HDAC4: variants seen among roughly 807,000 people sequenced by gnomAD.
HDAC4 encodes histone deacetylase A.
Under a neutral mutation model 135.1 loss-of-function variants are expected in HDAC4, and 16 were observed. That is an observed-to-expected ratio of 0.12 (90% CI 0.08 to 0.18). The LOEUF (loss-of-function observed/expected upper bound fraction) is 0.18, where lower values mean the gene tolerates loss of function less well. Among genes scored for constraint, HDAC4 ranks in the 10% least tolerant of loss-of-function variants. The pLI, the probability that HDAC4 is intolerant of heterozygous loss-of-function variation, is 1.00. For synonymous variants in HDAC4, 685 were observed against 653.4 expected (o/e 1.05, Z -0.74); for missense variants, 1,143 against 1,511.8 (o/e 0.76, Z 4.05).
chr2:239,114,640 GT>G (rs969369026), intron 13 of HDAC4, among the ~76,000 whole-genome samples: 1 of 152,190 alleles, frequency 6.6e-6, no homozygotes, highest in African/African-American at 2.4e-5. Flanking sequence ...GCACCTCTGG[GT>G]CACAAAAGGT....
rs2030428113 is a variant in HDAC4, at chr2:239,049,096, C to G, written c.*4001G>C. The G allele has an allele frequency of 6.6e-6, 1 of 152,282 alleles. No homozygotes were observed. Among genetic ancestry groups the G allele is most frequent in the African/African-American group, 2.4e-5 (1 of 41,468 alleles). 9.4% of individuals were successfully genotyped at this position (152,282 alleles called of 1,614,324 possible). A position where few individuals can be genotyped will look rare whatever the true frequency, so the allele number is the denominator to read the frequency against. ...TGAATTCTGAGTAGTTTCCCTAAAA[C>G]ACTGTTTCCACATAAATACAATAAA... On this transcript the variant is annotated 3_prime_UTR_variant, in exon 27 of 27. Transcript: ENST00000543185.
chr2:239,185,202 G>C (rs552051498), intron 4 of HDAC4, among the ~76,000 whole-genome samples: 1 of 151,898 alleles, frequency 6.6e-6, no homozygotes, highest in South Asian at 2.1e-4. Context: ...CACCCCATGG[G>C]GTGCCTGTAT....
intron 1 of HDAC4, among the ~76,000 whole-genome samples, chr2:239,360,500 T>C (rs1266646827): frequency 6.6e-6 from 1 of 152,206 alleles, no homozygotes; most frequent in Non-Finnish European, 1.5e-5. Context: ...GGGTCTGTTG[T>C]GACTCATGTG....
At chr2:239,198,054 C>T (rs1175102286) in intron 3 of HDAC4, among the ~76,000 whole-genome samples, 1 of 152,086 alleles carries the variant, frequency 6.6e-6, no homozygotes, top group Non-Finnish European at 1.5e-5. Context: ...CCATGTTGGC[C>T]AGGCTGGTCT....
chr2:239,290,812 G>A (rs976489187), intron 2 of HDAC4, among the ~76,000 whole-genome samples: 4 of 152,200 alleles, frequency 2.6e-5, no homozygotes, highest in Admixed American at 2.0e-4. Context: ...GGGGAGGGCC[G>A]GGGTTCTATA....
chr2:239,235,251 GC>G (rs2047819244), intron 3 of HDAC4, among the ~76,000 whole-genome samples: 1 of 151,832 alleles, frequency 6.6e-6, no homozygotes, highest in African/African-American at 2.4e-5. Context: ...CCTTCCCGGA[GC>G]AGGGCAAAGA....
At chr2:239,099,536 G>GT (rs968534705) in intron 16 of HDAC4, among the ~76,000 whole-genome samples, 3 of 152,218 alleles carry the variant, frequency 2.0e-5, no homozygotes, top group African/African-American at 4.8e-5. Context: ...ACGTTTCCTG[G>GT]TAAGGACTGG....
Position 239,194,066 on chromosome 2 carries a change from T to C in HDAC4, c.95-3989A>G, listed in dbSNP as rs193018330. On this transcript the variant is annotated intron_variant, in intron 3 of 26. Coordinates refer to ENST00000543185, the MANE Select transcript of HDAC4 (RefSeq NM_001378414.1). Reference sequence around the variant, plus strand: ...CCCACCACCTGGGAGTTTTCAGAAATGGAAAATGATCACAAGGTTCCTCAC... The same window carrying C: ...CCCACCACCTGGGAGTTTTCAGAAACGGAAAATGATCACAAGGTTCCTCAC... Among the ~76,000 whole-genome samples, 619 of 152,172 alleles carry C rather than the reference T, an allele frequency of 4.1e-3. 4 individuals are homozygous for C. Among genetic ancestry groups the C allele is most frequent in the African/African-American group, 0.015 (604 of 41,520 alleles).
At chr2:239,282,770 TA>T (rs200528958) in intron 2 of HDAC4, among the ~76,000 whole-genome samples, 2 of 143,302 alleles carry the variant, frequency 1.4e-5, no homozygotes, top group African/African-American at 5.2e-5. Flanking sequence ...CACACCACTC[TA>T]CAATGTACAC....
intron 14 of HDAC4, among the ~76,000 whole-genome samples, chr2:239,108,597 C>T (rs1575056943): frequency 6.6e-6 from 1 of 152,248 alleles, no homozygotes; most frequent in Non-Finnish European, 1.5e-5. Context: ...CGACTCTAGC[C>T]CCCTACCCTC....
intron 2 of HDAC4, among the ~76,000 whole-genome samples, chr2:239,305,287 C>T (rs1476798434): frequency 6.6e-6 from 1 of 152,258 alleles, no homozygotes; most frequent in East Asian, 1.9e-4. Context: ...GCAGTCGCCT[C>T]AGGGCTGACA....
At position 239,309,400 on chromosome 2, in the gene HDAC4, C is replaced by CA. The variant is rs1298494326; in HGVS notation, c.22+43277dup. 6.6e-6 allele frequency among the ~76,000 whole-genome samples: 1 copy of CA among 152,212 alleles called. No homozygotes were observed. Among genetic ancestry groups the CA allele is most frequent in the African/African-American group, 2.4e-5 (1 of 41,460 alleles). On this transcript the variant is annotated intron_variant, in intron 2 of 26. Transcript: ENST00000543185. The surrounding 1 kb of genome is among the most constrained non-coding windows in gnomAD (Gnocchi z 4.2). The stretch of plus-strand genomic sequence containing the variant: ...ACTTAGTGCAGAGGCTGCACCCTTC[C>CA]AGGCTGAAACCCAGCACCTACAGCA...
chr2:239,103,263 CGTTCAAGG>C (rs1408721210), intron 15 of HDAC4, among the ~76,000 whole-genome samples: 1 of 152,162 alleles, frequency 6.6e-6, no homozygotes, highest in African/African-American at 2.4e-5. Context: ...AGCTCCCTCA[CGTTCAAGG>C]GAAACCCCAG....
intron 2 of HDAC4, among the ~76,000 whole-genome samples, chr2:239,341,082 A>T (rs1045914511): frequency 6.6e-6 from 1 of 152,240 alleles, no homozygotes; most frequent in African/African-American, 2.4e-5. Context: ...TGGTTTACCA[A>T]CGAAAACCTC....
chr2:239,333,527 T>C (rs1290918534), intron 2 of HDAC4, among the ~76,000 whole-genome samples: 1 of 152,072 alleles, frequency 6.6e-6, no homozygotes, highest in Non-Finnish European at 1.5e-5. Context: ...GCAATGTAAA[T>C]TCAACAGTAT....
chr2:239,195,368 A>C (rs1033519044), intron 3 of HDAC4, among the ~76,000 whole-genome samples: 1 of 152,106 alleles, frequency 6.6e-6, no homozygotes, highest in Non-Finnish European at 1.5e-5. Flanking sequence ...ATTCAATAAC[A>C]CAAATGGAGC....
chr2:239,108,210 C>T (rs2038331142), intron 14 of HDAC4, 27 bp from the exon 15 acceptor site: 5 of 1,582,640 alleles, frequency 3.2e-6, no homozygotes, highest in Non-Finnish European at 3.4e-6. Context: ...GGGCCAAGAT[C>T]AGCGCACATC....
At chr2:239,197,361 T>C (rs2045462708) in intron 3 of HDAC4, among the ~76,000 whole-genome samples, 1 of 152,220 alleles carries the variant, frequency 6.6e-6, no homozygotes, top group Non-Finnish European at 1.5e-5. Flanking sequence ...CGGGTATCTA[T>C]AAGGTCTTCT....
At chr2:239,190,549 G>A (rs550799394) in intron 3 of HDAC4, among the ~76,000 whole-genome samples, 38 of 152,318 alleles carry the variant, frequency 2.5e-4, no homozygotes, top group African/African-American at 6.0e-4. Context: ...CGAAGTCACC[G>A]TGCCGCTGTG....
Sources: gnomAD v4.1 joint callset for allele counts (sites outside exome capture counted in the v4.1 genomes callset) on GRCh38, gnomAD v4.1.1 for gene constraint, Gnocchi (gnomAD v3.1) non-coding constraint, MANE v1.5 for transcripts, NCBI Gene and HGNC (gene_info 2026-07-23, HGNC 2026-07-21) for gene names.